TAPT1: variants seen among roughly 807,000 people sequenced by gnomAD.
TAPT1 encodes the protein transmembrane anterior posterior transformation protein 1 homolog.
A neutral mutation model predicts 65.6 loss-of-function variants in TAPT1; 28 were observed. The ratio of observed to expected loss-of-function variants is 0.43; its 90% CI spans 0.32 to 0.59. TAPT1 has a LOEUF of 0.59. Ranked by LOEUF, TAPT1 falls within the 20% of genes least tolerant of loss-of-function variation. The probability of loss-of-function intolerance (pLI) is 0.09; values close to 1 mark genes in which losing one functional copy is unlikely to be tolerated. For synonymous variants in TAPT1, 278 were observed against 245.2 expected (o/e 1.13, Z -1.25); for missense variants, 563 against 679.9 (o/e 0.83, Z 1.91).
chr4:16,186,759 G>A lies in TAPT1; in HGVS notation c.846+22C>T, dbSNP rs77219469. The A allele has an allele frequency of 2.8e-3, 4,382 of 1,541,762 alleles. 86 individuals carry two copies. The African/African-American group carries it at 0.048, about 17-fold the overall frequency. On this transcript the variant is annotated intron_variant, in intron 6 of 13. Coordinates refer to ENST00000405303, the MANE Select transcript of TAPT1 (RefSeq NM_153365.3). ...GAAATGCCTGTATAACTTCAAAAAT[G>A]TAAGATAAATCTCATACTTACATTA...
At chr4:16,180,659 A>G (rs1748659546) in intron 7 of TAPT1, among the ~76,000 whole-genome samples, 1 of 152,008 alleles carries the variant, frequency 6.6e-6, no homozygotes, top group African/African-American at 2.4e-5. Context: ...TTTCCCCATT[A>G]TTCTCTAGCA....
rs1749361850 is a variant in TAPT1, at chr4:16,191,354, C to CCCTT, written c.612+3_612+6dup. 6.3e-7 allele frequency: 1 copy of CCCTT among 1,595,212 alleles called. No individual in the cohort carries two copies. The highest frequency in any genetic ancestry group is 1.3e-5 in the African/African-American group (1 of 74,566). On this transcript the variant is annotated splice_region_variant and intron_variant, in intron 4 of 13. Coordinates refer to ENST00000405303, the MANE Select transcript of TAPT1 (RefSeq NM_153365.3). ...CCAGGCCTGTGCGGGGTAAGCAAGG[C>CCCTT]CCTTACCTCCAGCATGTTGTAGATG... is the stretch of plus-strand genomic sequence containing the variant.
At chr4:16,205,912 A>G (rs1031863894) in intron 2 of TAPT1, among the ~76,000 whole-genome samples, 4 of 152,188 alleles carry the variant, frequency 2.6e-5, no homozygotes, top group African/African-American at 9.7e-5. Flanking sequence ...TTTATTTTAA[A>G]GAGGTACCTG....
chr4:16,177,622 G>A (rs1267101608), intron 8 of TAPT1, among the ~76,000 whole-genome samples: 8 of 152,154 alleles, frequency 5.3e-5, no homozygotes, highest in Non-Finnish European at 7.3e-5. Context: ...CAAAGGGCAA[G>A]TTTCTTAATG....
intron 7 of TAPT1, among the ~76,000 whole-genome samples, chr4:16,180,066 T>C (rs1748620264): frequency 6.6e-6 from 1 of 152,154 alleles, no homozygotes; most frequent in Non-Finnish European, 1.5e-5. Flanking sequence ...AATCCTTGTA[T>C]AAAATCCCAG....
chr4:16,217,809 G>A (rs1751026601), intron 1 of TAPT1, among the ~76,000 whole-genome samples: 1 of 152,216 alleles, frequency 6.6e-6, no homozygotes, highest in African/African-American at 2.4e-5. Flanking sequence ...GGAGTGAAAA[G>A]CTTCACTCAA....
chr4:16,214,513 CGT>C (rs1452143427), intron 1 of TAPT1: 3 of 152,320 alleles, frequency 2.0e-5, no homozygotes, highest in African/African-American at 7.2e-5. Context: ...TCCATTCACC[CGT>C]GTTTTTCCTC....
At position 16,174,741 on chromosome 4, in the gene TAPT1, C is replaced by A; in HGVS notation, c.1108-12G>T. ...TATTCACTGTAGACCTAAAAACAAA[C>A]AAGAATGAAATATCAAGTAATACAG... On this transcript the variant is annotated splice_polypyrimidine_tract_variant and intron_variant, in intron 9 of 13. Coordinates refer to ENST00000405303, the MANE Select transcript of TAPT1 (RefSeq NM_153365.3). The A allele has an allele frequency of 6.5e-7, 1 of 1,547,356 alleles. No individual in the cohort carries two copies. Among genetic ancestry groups the A allele is most frequent in the Non-Finnish European group, 8.7e-7 (1 of 1,145,622 alleles).
intron 10 of TAPT1, 126 bp from the exon 11 acceptor site, chr4:16,174,398 C>A: frequency 1.2e-6 from 1 of 825,242 alleles, no homozygotes; most frequent in Non-Finnish European, 1.9e-6. Flanking sequence ...CAGAACCTGG[C>A]ACTTATAAAA....
intron 7 of TAPT1, among the ~76,000 whole-genome samples, chr4:16,181,422 A>G (rs543163161): frequency 2.0e-5 from 3 of 152,368 alleles, no homozygotes; most frequent in South Asian, 4.1e-4. Context: ...AAACTCTAAC[A>G]AAGCAAAACT....
chr4:16,187,704 G>A (rs1197225617), intron 5 of TAPT1, among the ~76,000 whole-genome samples: 3 of 152,092 alleles, frequency 2.0e-5, no homozygotes, highest in African/African-American at 7.2e-5. Context: ...ACACAAACAT[G>A]TACACTGCTT....
chr4:16,216,998 C>A lies in TAPT1; in HGVS notation c.200-3100G>T, dbSNP rs540779158. 4.6e-5 allele frequency among the ~76,000 whole-genome samples: 7 copies of A among 152,248 alleles called. No homozygotes were observed. The South Asian group carries it at 1.4e-3, about 32-fold the overall frequency. ...ACCTGCCTCCCCTGAATCTCTAGGTCACAATTTTCTTTTTATACTACTTTT... is the reference window on the plus strand; with the variant it reads ...ACCTGCCTCCCCTGAATCTCTAGGTAACAATTTTCTTTTTATACTACTTTT... On this transcript the variant is annotated intron_variant, in intron 1 of 13. Coordinates refer to ENST00000405303, the MANE Select transcript of TAPT1 (RefSeq NM_153365.3).
At chr4:16,189,847 A>T (rs73798865) in intron 4 of TAPT1, among the ~76,000 whole-genome samples, 10,096 of 152,280 alleles carry the variant, frequency 0.066, 1,036 homozygotes, top group African/African-American at 0.22. Flanking sequence ...GGGGACAGGG[A>T]GAAACCCTCG....
intron 3 of TAPT1, among the ~76,000 whole-genome samples, chr4:16,201,719 TA>T (rs1379672377): frequency 6.6e-6 from 1 of 152,182 alleles, no homozygotes; most frequent in Non-Finnish European, 1.5e-5. Context: ...GAAAACAGAT[TA>T]TCTGTTCTGG....
intron 2 of TAPT1, among the ~76,000 whole-genome samples, chr4:16,208,618 GA>G (rs1459880737): frequency 6.6e-6 from 1 of 151,606 alleles, no homozygotes; most frequent in Admixed American, 6.6e-5. Context: ...ATTTGCCAAG[GA>G]TGGCAAAATA....
At chr4:16,174,177 A>G in intron 11 of TAPT1, 27 bp downstream of exon 11, 2 of 1,537,100 alleles carry the variant, frequency 1.3e-6, no homozygotes, top group Non-Finnish European at 8.9e-7. Flanking sequence ...ACTTTGTTAC[A>G]AAAAACATTA....
upstream of TAPT1, chr4:16,226,598 G>T: frequency 2.0e-6 from 1 of 490,786 alleles, no homozygotes; most frequent in Non-Finnish European, 2.6e-6. Context: ...CGACCGGCGC[G>T]AGCCATTGGC....
chr4:16,215,376 A>G (rs776853323), intron 1 of TAPT1, among the ~76,000 whole-genome samples: 18 of 152,154 alleles, frequency 1.2e-4, no homozygotes, highest in Non-Finnish European at 2.4e-4. Flanking sequence ...GGTTTTAAAC[A>G]ATAGGTCTAC....
rs779258594 is a variant in TAPT1, at chr4:16,174,624, A to T, written c.1167+46T>A. 4 of 1,483,340 alleles carry T rather than the reference A, an allele frequency of 2.7e-6. No individual in the cohort carries two copies. The South Asian group carries it at 5.0e-5, about 19-fold the overall frequency. 91.9% of individuals were successfully genotyped at this position (1,483,340 alleles called of 1,614,324 possible). ...TTAATCATTATTCAGTTAATTTCAG[A>T]CTATGCCTTTGTTAATTTCAGACTA... is the stretch of plus-strand genomic sequence containing the variant. On this transcript the variant is annotated intron_variant, in intron 10 of 13. Transcript: ENST00000405303.
Sources: gnomAD v4.1 joint callset for allele counts (sites outside exome capture counted in the v4.1 genomes callset) on GRCh38, gnomAD v4.1.1 for gene constraint, MANE v1.5 for transcripts, NCBI Gene and HGNC (gene_info 2026-07-23, HGNC 2026-07-21) for gene names.